The following PARP4 variants were observed in gnomAD, a reference collection of about 807,000 sequenced individuals.
PARP4 encodes the protein poly(ADP-ribose) polymerase family member 4, also known as protein mono-ADP-ribosyltransferase PARP4.
In PARP4, 120 loss-of-function variants were observed where a neutral mutation model predicts 187.7. The ratio of observed to expected loss-of-function variants is 0.64; its 90% CI spans 0.55 to 0.74. PARP4 has a LOEUF of 0.74. PARP4 is among the 30% of genes least tolerant of loss of function. PARP4 has a pLI of 0.00. For missense variants in PARP4, 1,836 were observed against 2,070.5 expected, an observed-to-expected ratio of 0.89 and a Z score of 2.20; for synonymous variants, 654 against 740.9, an observed-to-expected ratio of 0.88 and a Z score of 1.90.
intron 27 of PARP4, among the ~76,000 whole-genome samples, chr13:24,444,162 C>A (rs1231903900): frequency 6.6e-6 from 1 of 152,266 alleles, no homozygotes; most frequent in Non-Finnish European, 1.5e-5. Flanking sequence ...TGTGCACCAC[C>A]AGGTGCTTCC....
chr13:24,452,299 G>T, intron 24 of PARP4, 107 bp downstream of exon 24: 1 of 881,624 alleles, frequency 1.1e-6, no homozygotes, highest in Non-Finnish European at 1.8e-6. Context: ...ATGCTGTAAG[G>T]CTTCTGTATT....
chr13:24,504,985 G>A (rs1213321797), intron 1 of PARP4, among the ~76,000 whole-genome samples: 1 of 146,398 alleles, frequency 6.8e-6, no homozygotes, highest in African/African-American at 2.5e-5. Flanking sequence ...ATGAGCCACC[G>A]CACCTGGCAC....
intron 1 of PARP4, among the ~76,000 whole-genome samples, chr13:24,508,225 T>A (rs536530520): frequency 3.9e-5 from 6 of 152,296 alleles, no homozygotes; most frequent in African/African-American, 1.2e-4. Context: ...CTTTAATAAT[T>A]TCCAGGACAG....
At chr13:24,486,498 T>G (rs1288186153) in intron 10 of PARP4, among the ~76,000 whole-genome samples, 193 bp from the exon 11 acceptor site, 2 of 152,232 alleles carry the variant, frequency 1.3e-5, no homozygotes, top group African/African-American at 2.4e-5. Flanking sequence ...AAAATAAGGA[T>G]ATGTAGTAAA....
chr13:24,482,912 G>A (rs915044646), intron 12 of PARP4, among the ~76,000 whole-genome samples: 1 of 152,198 alleles, frequency 6.6e-6, no homozygotes, highest in Non-Finnish European at 1.5e-5. Flanking sequence ...TCAACTGAAG[G>A]ACAGGACTTC....
At chr13:24,469,848 T>C (rs372226673) in intron 16 of PARP4, 46 bp downstream of exon 16, 2 of 1,587,252 alleles carry the variant, frequency 1.3e-6, no homozygotes, top group Non-Finnish European at 1.7e-6. Flanking sequence ...AAATGGAAGC[T>C]GACTTTGAAA....
At chr13:24,495,736 C>T (rs1461384763) in intron 6 of PARP4, among the ~76,000 whole-genome samples, 1 of 152,176 alleles carries the variant, frequency 6.6e-6, no homozygotes, top group Admixed American at 6.5e-5. Context: ...CATAAGCCGC[C>T]CTCCCAGATA....
intron 12 of PARP4, among the ~76,000 whole-genome samples, chr13:24,480,260 G>A (rs1873206726): frequency 6.6e-6 from 1 of 152,052 alleles, no homozygotes; most frequent in Non-Finnish European, 1.5e-5. Context: ...TGTTTTGTGT[G>A]TTCTGACTGC....
chr13:24,434,557 T>C lies in PARP4; in HGVS notation c.4584A>G (p.Leu1528=), dbSNP rs773228406. Residue 1528 remains leucine (L), a synonymous_variant, in exon 31 of 34, where the codon CTA becomes CTG. Coordinates refer to ENST00000381989, the MANE Select transcript of PARP4 (RefSeq NM_006437.4). The part of the protein sequence containing the change: ...FQSSDTESDE[L]SEVLQDSCFL... Reference sequence around the variant, plus strand: ...AGCAGCTGTCTTGAAGTACTTCTGATAGCTCATCACTTTCTGTGTCAGAAC... The same window carrying C: ...AGCAGCTGTCTTGAAGTACTTCTGACAGCTCATCACTTTCTGTGTCAGAAC... 16 of 1,613,394 alleles carry C rather than the reference T, an allele frequency of 9.9e-6. No individual in the cohort carries two copies. The highest frequency in any genetic ancestry group is 3.3e-4 in the Middle Eastern group (2 of 6,078).
chr13:24,443,486 C>T (rs1323096341), intron 28 of PARP4, among the ~76,000 whole-genome samples, 164 bp downstream of exon 28: 3 of 151,654 alleles, frequency 2.0e-5, no homozygotes, highest in African/African-American at 7.3e-5. Context: ...ACATTTACCA[C>T]ACACCCCACA....
intron 14 of PARP4, among the ~76,000 whole-genome samples, chr13:24,476,710 A>G (rs1213869959): frequency 6.6e-6 from 1 of 152,230 alleles, no homozygotes; most frequent in Non-Finnish European, 1.5e-5. Context: ...TAATTTGAGC[A>G]TGGTCAAAAA....
intron 14 of PARP4, among the ~76,000 whole-genome samples, chr13:24,475,858 C>T (rs1427951562): frequency 6.6e-6 from 1 of 151,818 alleles, no homozygotes; most frequent in Non-Finnish European, 1.5e-5. Flanking sequence ...AATCTCTGCT[C>T]ACAGTAGACC....
intron 30 of PARP4, among the ~76,000 whole-genome samples, chr13:24,439,453 T>C (rs1372281747): frequency 6.6e-6 from 1 of 151,900 alleles, no homozygotes; most frequent in African/African-American, 2.4e-5. Flanking sequence ...ATCTGATCTA[T>C]GGCCTATATC....
chr13:24,463,891 G>C (rs1272945662), intron 17 of PARP4, among the ~76,000 whole-genome samples: 1 of 152,114 alleles, frequency 6.6e-6, no homozygotes, highest in Non-Finnish European at 1.5e-5. Flanking sequence ...CCTATATCTA[G>C]AAAACCCCAT....
At chr13:24,504,214 G>A (rs1452205579) in intron 1 of PARP4, among the ~76,000 whole-genome samples, 1 of 151,220 alleles carries the variant, frequency 6.6e-6, no homozygotes, top group African/African-American at 2.4e-5. Context: ...CCATTCTGGG[G>A]AAAAACTGAA....
At chr13:24,478,563 G>T (rs1171258859) in intron 12 of PARP4, among the ~76,000 whole-genome samples, 1 of 151,896 alleles carries the variant, frequency 6.6e-6, no homozygotes, top group Non-Finnish European at 1.5e-5. Flanking sequence ...AGCCTCCTGA[G>T]TAGCTGGGAC....
intron 13 of PARP4, 104 bp from the exon 14 acceptor site, chr13:24,477,961 G>C: frequency 7.3e-6 from 8 of 1,102,992 alleles, no homozygotes; most frequent in Non-Finnish European, 1.0e-5. Context: ...AGAAAATGTT[G>C]AATTAATTCA....
intron 17 of PARP4, among the ~76,000 whole-genome samples, chr13:24,467,275 T>A (rs1238239149): frequency 6.6e-6 from 1 of 152,242 alleles, no homozygotes; most frequent in African/African-American, 2.4e-5. Context: ...TTCTGTTACT[T>A]CCACACTTAA....
intron 32 of PARP4, 134 bp from the exon 33 acceptor site, chr13:24,426,732 A>G (rs1433007299): frequency 6.6e-6 from 5 of 761,394 alleles, no homozygotes; most frequent in East Asian, 2.8e-5. Context: ...TGCTAAAAAA[A>G]AAAATACAAA....
Sources: gnomAD v4.1 joint callset for allele counts (sites outside exome capture counted in the v4.1 genomes callset) on GRCh38, gnomAD v4.1.1 for gene constraint, MANE v1.5 for transcripts, NCBI Gene and HGNC (gene_info 2026-07-23, HGNC 2026-07-21) for gene names.